Variants in DDR2 observed in about 807,000 individuals in gnomAD.
DDR2 encodes the protein discoidin domain receptor tyrosine kinase 2, also known as discoidin domain-containing receptor 2.
Under a neutral mutation model 94.9 loss-of-function variants are expected in DDR2, and 27 were observed. The ratio of observed to expected loss-of-function variants is 0.28; its 90% CI spans 0.21 to 0.39. The LOEUF is 0.39. Ranked by LOEUF, DDR2 falls within the 10% of genes least tolerant of loss-of-function variation. The probability of loss-of-function intolerance (pLI) is 1.00; values close to 1 mark genes in which losing one functional copy is unlikely to be tolerated. For missense variants in DDR2, 783 were observed against 1,076.0 expected (o/e 0.73, Z 3.81); for synonymous variants, 382 against 377.2 (o/e 1.01, Z -0.15).
At chr1:162,685,003 C>G (rs1444539769) in intron 2 of DDR2, among the ~76,000 whole-genome samples, 1 of 152,104 alleles carries the variant, frequency 6.6e-6, no homozygotes, top group Non-Finnish European at 1.5e-5. Context: ...CCCTCTCGGG[C>G]TAGTGAGATA....
chr1:162,634,537 C>T (rs1237513413), intron 1 of DDR2, among the ~76,000 whole-genome samples: 1 of 152,176 alleles, frequency 6.6e-6, no homozygotes, highest in African/African-American at 2.4e-5. Flanking sequence ...CTGATGCTGG[C>T]AGGAGGGCAG....
chr1:162,729,582 G>A (rs999146282), intron 3 of DDR2, among the ~76,000 whole-genome samples: 41 of 149,192 alleles, frequency 2.7e-4, no homozygotes, highest in African/African-American at 1.0e-3. Flanking sequence ...TTTGTCTCTG[G>A]TGTAGTGATA....
intron 2 of DDR2, among the ~76,000 whole-genome samples, chr1:162,664,057 G>C (rs918756314): frequency 6.6e-6 from 1 of 152,154 alleles, no homozygotes; most frequent in East Asian, 1.9e-4. Flanking sequence ...AAGGGGGCTG[G>C]AGTACTGATC....
intron 2 of DDR2, among the ~76,000 whole-genome samples, chr1:162,685,199 T>G (rs12117348): frequency 0.048 from 7,277 of 152,260 alleles, 218 homozygotes; most frequent in South Asian, 0.084. Flanking sequence ...AGTATTGCTG[T>G]GAGGATTTGA....
chr1:162,750,531 G>A (rs1329538780), intron 3 of DDR2, among the ~76,000 whole-genome samples: 2 of 152,180 alleles, frequency 1.3e-5, no homozygotes, highest in Non-Finnish European at 2.9e-5. Flanking sequence ...CATGCTCGTG[G>A]GTAGGAAGAA....
intron 3 of DDR2, among the ~76,000 whole-genome samples, chr1:162,740,180 G>A (rs1323829624): frequency 2.6e-5 from 4 of 152,082 alleles, no homozygotes; most frequent in Non-Finnish European, 1.5e-5. Flanking sequence ...ACCTGCAGGG[G>A]AGATAGGACT....
intron 2 of DDR2, among the ~76,000 whole-genome samples, chr1:162,656,177 C>G (rs1558008365): frequency 6.6e-6 from 1 of 152,168 alleles, no homozygotes; most frequent in African/African-American, 2.4e-5. Flanking sequence ...CAGCCTGGAG[C>G]TCCATATCTC....
At chr1:162,764,825 T>TAA (rs766135759) in intron 9 of DDR2, among the ~76,000 whole-genome samples, 2 of 132,308 alleles carry the variant, frequency 1.5e-5, no homozygotes, top group African/African-American at 5.6e-5. Context: ...AGACCCTGTT[T>TAA]AAAAAAAAAA....
At chr1:162,778,143 A>G (rs1220879980) in intron 16 of DDR2, 1 of 271,118 alleles carries the variant, frequency 3.7e-6, no homozygotes, top group East Asian at 9.1e-5. Flanking sequence ...CACTTGTTAA[A>G]GTCTATCTTT....
Position 162,782,842 on chromosome 1 carries a change from T to C in DDR2, c.*2596T>C, listed in dbSNP as rs1647979887. ...ATATGTTTCAGATGGCTGCCCAATA[T>C]GTATTATCATGTAATACATATCTGT... On this transcript the variant is annotated 3_prime_UTR_variant, in exon 18 of 18. Coordinates refer to ENST00000367921, the MANE Select transcript of DDR2 (RefSeq NM_006182.4). 1 of 152,176 alleles carries C rather than the reference T, an allele frequency of 6.6e-6. No homozygotes were observed. The highest frequency in any genetic ancestry group is 2.4e-5 in the African/African-American group (1 of 41,446). The allele number at this position is 152,176 out of a possible 1,614,324, so 9.4% of individuals were successfully genotyped here. A position where few individuals can be genotyped will look rare whatever the true frequency, so the allele number is the denominator to read the frequency against.
intron 2 of DDR2, among the ~76,000 whole-genome samples, chr1:162,672,585 T>G (rs60143577): frequency 0.21 from 32,430 of 152,098 alleles, 4,141 homozygotes; most frequent in African/African-American, 0.36. Flanking sequence ...TGTATACACA[T>G]ATATACATAT....
At chr1:162,699,739 T>G (rs111878112) in intron 2 of DDR2, among the ~76,000 whole-genome samples, 1 of 152,206 alleles carries the variant, frequency 6.6e-6, no homozygotes, top group African/African-American at 2.4e-5. Context: ...ACTTAGTCTA[T>G]TATTTCCGAA....
chr1:162,715,513 G>A lies in DDR2; in HGVS notation c.-27-3524G>A, dbSNP rs16843853. ...GAAGCTCCAGTGTGACTGAGGTGGA[G>A]AGGATGAGGAGAAGGGCAGCTCTGG... On this transcript the variant is annotated intron_variant, in intron 2 of 17. Coordinates refer to ENST00000367921, the MANE Select transcript of DDR2 (RefSeq NM_006182.4). Among the ~76,000 whole-genome samples, 1,163 of 152,282 alleles carry A rather than the reference G, an allele frequency of 7.6e-3. 19 individuals are homozygous for A. Among genetic ancestry groups the A allele is most frequent in the East Asian group, 0.034 (179 of 5,190 alleles).
chr1:162,653,635 T>C (rs4567262), intron 1 of DDR2, among the ~76,000 whole-genome samples: 138,836 of 151,736 alleles, frequency 0.91, 64,098 homozygotes, highest in Middle Eastern at 0.98. Context: ...TCTTCCCTGA[T>C]GCTGATGTGA....
chr1:162,660,254 G>A (rs1332905538), intron 2 of DDR2, among the ~76,000 whole-genome samples: 1 of 152,134 alleles, frequency 6.6e-6, no homozygotes, highest in African/African-American at 2.4e-5. Context: ...TAAGGTCTGA[G>A]TCTCTGTCAA....
intron 3 of DDR2, among the ~76,000 whole-genome samples, chr1:162,734,262 T>C (rs1270080477): frequency 6.6e-6 from 1 of 152,218 alleles, no homozygotes; most frequent in African/African-American, 2.4e-5. Context: ...TAAAACACCA[T>C]TAGCCAAGGC....
intron 1 of DDR2, among the ~76,000 whole-genome samples, chr1:162,641,694 G>A (rs1213738290): frequency 6.6e-6 from 1 of 152,178 alleles, no homozygotes; most frequent in Non-Finnish European, 1.5e-5. Flanking sequence ...ATGGAAAAGA[G>A]CTCAGTAAGT....
rs1180082168 is a variant in DDR2 at position 162,780,482 on chromosome 1, A to G, written c.*236A>G. The G allele has an allele frequency of 9.8e-6, 5 of 510,828 alleles. No homozygotes were observed. The Admixed American group carries it at 1.1e-4, about 11-fold the overall frequency. 31.6% of individuals were successfully genotyped at this position (510,828 alleles called of 1,614,324 possible). ...AAAAAAAAAGCCTAGGGCAGATACA[A>G]TCTAGTAAAAGAAAATCTTTGATAT... On this transcript the variant is annotated 3_prime_UTR_variant, in exon 18 of 18. Transcript: ENST00000367921.
intron 1 of DDR2, among the ~76,000 whole-genome samples, chr1:162,637,465 G>A (rs1004071028): frequency 6.6e-6 from 1 of 152,020 alleles, no homozygotes; most frequent in African/African-American, 2.4e-5. Flanking sequence ...GAGTTCTCAT[G>A]AATTCCTTCT....
Sources: allele counts gnomAD v4.1 joint callset (sites outside exome capture counted in the v4.1 genomes callset), GRCh38; gene constraint gnomAD v4.1.1; transcripts MANE v1.5; gene names NCBI Gene and HGNC (gene_info 2026-07-23, HGNC 2026-07-21).